Variants in RTL1 observed in about 807,000 individuals in gnomAD.
RTL1 encodes retrotransposon-like protein 1.
For missense variants in RTL1, 1,681 were observed against 1,767.5 expected (o/e 0.95, Z 0.88); for synonymous variants, 727 against 748.4 (o/e 0.97, Z 0.47).
intron 2 of RTL1, among the ~76,000 whole-genome samples, chr14:100,900,617 T>A (rs2038928716): frequency 6.6e-6 from 1 of 152,064 alleles, no homozygotes; most frequent in South Asian, 2.1e-4. Flanking sequence ...GTTCCCTCCG[T>A]GTCCGGCAGG....
rs545690958 is a variant in RTL1, at chr14:100,901,080, C to T, written c.-149+2211G>A. Among the ~76,000 whole-genome samples, 31 of 152,284 alleles carry T rather than the reference C, an allele frequency of 2.0e-4. 1 individual carries two copies. Among genetic ancestry groups the T allele is most frequent in the South Asian group, 6.2e-4 (3 of 4,822 alleles). On this transcript the variant is annotated intron_variant, in intron 2 of 3. Transcript: ENST00000649591. ...ACGATGCTGCCCCCCCACGGCGGGT[C>T]GGAGCAGCTGTGGCGACCCCAGGGC...
chr14:100,889,009 C>T (rs1335927111), intron 3 of RTL1, among the ~76,000 whole-genome samples: 2 of 152,236 alleles, frequency 1.3e-5, no homozygotes, highest in African/African-American at 2.4e-5. Context: ...ATCCCAAAGC[C>T]GTTACCCGTA....
intron 2 of RTL1, among the ~76,000 whole-genome samples, chr14:100,896,492 GCTTGTCACATC>G (rs1207688281): frequency 6.6e-6 from 1 of 152,102 alleles, no homozygotes; most frequent in Non-Finnish European, 1.5e-5. Context: ...ATGGGAGTAT[GCTTGTCACATC>G]CTTGTCACAC....
intron 3 of RTL1, among the ~76,000 whole-genome samples, chr14:100,887,866 A>C (rs367928510): frequency 2.0e-5 from 3 of 152,288 alleles, no homozygotes; most frequent in African/African-American, 7.2e-5. Context: ...ATGTAAATTT[A>C]ATCATATAAC....
chr14:100,902,912 C>T (rs1222214264), intron 2 of RTL1, among the ~76,000 whole-genome samples: 2 of 152,156 alleles, frequency 1.3e-5, no homozygotes, highest in Non-Finnish European at 2.9e-5. Context: ...AGAAAACAGC[C>T]TGGCCTTTCA....
At chr14:100,901,973 G>A (rs564173157) in intron 2 of RTL1, among the ~76,000 whole-genome samples, 6 of 152,314 alleles carry the variant, frequency 3.9e-5, no homozygotes, top group African/African-American at 9.6e-5. Flanking sequence ...TCACTTGCCC[G>A]CTTGCCTGCT....
chr14:100,882,127 C>T lies in RTL1; in HGVS notation c.2662G>A (p.Ala888Thr), dbSNP rs771652160. 3 of 1,554,360 alleles carry T rather than the reference C, an allele frequency of 1.9e-6. No homozygotes were observed. Among genetic ancestry groups the T allele is most frequent in the Admixed American group, 2.0e-5 (1 of 51,232 alleles). Reference protein sequence around the residue: ...ETGVTGTALHASLIQIDDQTG... With the variant: ...ETGVTGTALHTSLIQIDDQTG... ...TGGTCGTCGATTTGGATCAGGGAGGCGTGCAGGGCCGTGCCGGTGACGCCG... is the reference window on the plus strand; with the variant it reads ...TGGTCGTCGATTTGGATCAGGGAGGTGTGCAGGGCCGTGCCGGTGACGCCG... The change falls in exon 4 of 4, where the codon GCC (alanine) becomes ACC (threonine). Residue 888 changes from alanine to threonine, a missense_variant. Coordinates refer to ENST00000649591, the MANE Select transcript of RTL1 (RefSeq NM_001134888.3).
At position 100,881,788 on chromosome 14, in the gene RTL1, A is replaced by C; in HGVS notation, c.3001T>G (p.Trp1001Gly). The C allele has an allele frequency of 6.2e-7, 1 of 1,613,898 alleles. No individual in the cohort carries two copies. Among genetic ancestry groups the C allele is most frequent in the Non-Finnish European group, 8.5e-7 (1 of 1,179,922 alleles). Residue 1001 changes from tryptophan (W) to glycine (G), a missense_variant, in exon 4 of 4, where the codon TGG (tryptophan) becomes GGG (glycine). By Grantham distance (184) the Trp-to-Gly change is radical. Coordinates refer to ENST00000649591, the MANE Select transcript of RTL1 (RefSeq NM_001134888.3). This position sits in a 1 kb window ranked among gnomAD's most constrained non-coding sequence, Gnocchi z 6.6. ...GTGTTCCTCTGGAAGGCTCTCCTCC[A>C]CCGGAGGTTTCTCACAGGTGGCAGA... is the stretch of plus-strand genomic sequence containing the variant. ...RALPPVRNLRWRRAFQRNTAA... is the reference protein window; with the variant it reads ...RALPPVRNLRGRRAFQRNTAA...
rs115345093 is a variant in RTL1, at chr14:100,886,150, C to A, written c.-86-1276G>T. On this transcript the variant is annotated intron_variant, in intron 3 of 3. Coordinates refer to ENST00000649591, the MANE Select transcript of RTL1 (RefSeq NM_001134888.3). Reference sequence around the variant, plus strand: ...TGATAGATTAACTGTAAAGCTACTGCTCTTTATAAATTTAACACCTTTTGT... The same window carrying A: ...TGATAGATTAACTGTAAAGCTACTGATCTTTATAAATTTAACACCTTTTGT... 9.5e-3 allele frequency among the ~76,000 whole-genome samples: 1,444 copies of A among 151,538 alleles called. 24 individuals are homozygous for A. Among genetic ancestry groups the A allele is most frequent in the African/African-American group, 0.032 (1,335 of 41,202 alleles).
intron 3 of RTL1, among the ~76,000 whole-genome samples, chr14:100,892,030 C>T (rs1206501179): frequency 1.3e-5 from 2 of 152,130 alleles, no homozygotes; most frequent in African/African-American, 2.4e-5. Flanking sequence ...AAATTGGGGT[C>T]GTCGTATTAT....
chr14:100,893,831 C>T lies in RTL1; in HGVS notation c.-148-326G>A, dbSNP rs7160787. Among the ~76,000 whole-genome samples, 24,855 of 152,204 alleles carry T rather than the reference C, an allele frequency of 0.16. 2,566 individuals are homozygous for T. Among genetic ancestry groups the T allele is most frequent in the African/African-American group, 0.29 (12,072 of 41,516 alleles). On this transcript the variant is annotated intron_variant, in intron 2 of 3. Transcript: ENST00000649591. The surrounding 1 kb of genome is among the most constrained non-coding windows in gnomAD (Gnocchi z 4.2). ...AATCCGAGGCCTTGGGACCTACACC[C>T]ACCCTCACACCCGGGCCCACGCTCA...
chr14:100,902,530 G>C (rs1380889146), intron 2 of RTL1, among the ~76,000 whole-genome samples: 3 of 152,192 alleles, frequency 2.0e-5, no homozygotes, highest in Non-Finnish European at 4.4e-5. Context: ...AGTTGCTAGG[G>C]AGAACGCTCT....
At chr14:100,888,098 C>T (rs1214680608) in intron 3 of RTL1, among the ~76,000 whole-genome samples, 3 of 152,288 alleles carry the variant, frequency 2.0e-5, no homozygotes, top group Non-Finnish European at 2.9e-5. Flanking sequence ...AAACGCTTTA[C>T]TGGCTGACAT....
At chr14:100,892,575 G>T (rs766025694) in intron 3 of RTL1, among the ~76,000 whole-genome samples, 2 of 152,130 alleles carry the variant, frequency 1.3e-5, no homozygotes, top group Non-Finnish European at 2.9e-5. Context: ...TAATTTTCCC[G>T]TTAACCCCAC....
intron 3 of RTL1, among the ~76,000 whole-genome samples, chr14:100,890,940 C>G (rs1467048846): frequency 6.6e-6 from 1 of 152,158 alleles, no homozygotes; most frequent in Non-Finnish European, 1.5e-5. Context: ...TTTTGTTGAA[C>G]TCGTGTCAAG....
intron 2 of RTL1, chr14:100,897,775 G>GGGGGGGGGGGGGGGGGGGGGGGGTGGT (rs1566760917): frequency 7.0e-6 from 1 of 141,960 alleles, no homozygotes; most frequent in African/African-American, 3.5e-5. Context: ...GGGGGGTGGG[G>GGGGGGGGGGGGGGGGGGGGGGGGTGGT]GGCGGGGGGG....
Position 100,880,163 on chromosome 14 carries a change from G to C in RTL1, c.*549C>G, listed in dbSNP as rs977233639. On this transcript the variant is annotated 3_prime_UTR_variant, in exon 4 of 4. Coordinates refer to ENST00000649591, the MANE Select transcript of RTL1 (RefSeq NM_001134888.3). Reference sequence around the variant, plus strand: ...GTGGGTTTGCTTGCAGGGTGTGATGGGGGTGAGGGAGGCACCACATCATCA... The same window carrying C: ...GTGGGTTTGCTTGCAGGGTGTGATGCGGGTGAGGGAGGCACCACATCATCA... 4.0e-5 allele frequency among the ~76,000 whole-genome samples: 6 copies of C among 149,458 alleles called. No homozygotes were observed. Among genetic ancestry groups the C allele is most frequent in the Admixed American group, 3.3e-4 (5 of 15,054 alleles).
intron 3 of RTL1, among the ~76,000 whole-genome samples, chr14:100,888,269 C>T (rs1178302970): frequency 6.6e-6 from 1 of 152,142 alleles, no homozygotes; most frequent in Non-Finnish European, 1.5e-5. Flanking sequence ...GAGATCCTGT[C>T]TTATAGCTGT....
At position 100,884,148 on chromosome 14, in the gene RTL1, T is replaced by A. The variant is rs1478648904; in HGVS notation, c.641A>T (p.His214Leu). Reference sequence around the variant, plus strand: ...CAGTTGGCAGAGTACGATGAACTCGTGGAATTCTCTGCGATCGCCAGAGAA... The same window carrying A: ...CAGTTGGCAGAGTACGATGAACTCGAGGAATTCTCTGCGATCGCCAGAGAA... ...KHFSGDRREF[H>L]EFIVLCQLTL... The change falls in exon 4 of 4, where the codon CAC (histidine) becomes CTC (leucine). Residue 214 changes from histidine to leucine, a missense_variant. Coordinates refer to ENST00000649591, the MANE Select transcript of RTL1 (RefSeq NM_001134888.3). 12 of 1,551,592 alleles carry A rather than the reference T, an allele frequency of 7.7e-6. No homozygotes were observed. In the South Asian group the frequency reaches 1.2e-4, roughly 15 times the overall value.
Sources: gnomAD v4.1 joint callset for allele counts (sites outside exome capture counted in the v4.1 genomes callset) on GRCh38, gnomAD v4.1.1 for gene constraint, Gnocchi (gnomAD v3.1) non-coding constraint, MANE v1.5 for transcripts, NCBI Gene and HGNC (gene_info 2026-07-23, HGNC 2026-07-21) for gene names.